CMIP: variants seen among roughly 807,000 people sequenced by gnomAD.
CMIP encodes C-Maf-inducing protein.
Under a neutral mutation model 97.3 loss-of-function variants are expected in CMIP, and 13 were observed. That is an observed-to-expected ratio of 0.13 (90% CI 0.09 to 0.21). CMIP has a LOEUF of 0.21. CMIP is among the 10% of genes least tolerant of loss of function. The probability of loss-of-function intolerance (pLI) is 1.00; values close to 1 mark genes in which losing one functional copy is unlikely to be tolerated. For missense variants in CMIP, 847 were observed against 1,024.9 expected (o/e 0.83, Z 2.37); for synonymous variants, 538 against 436.3 (o/e 1.23, Z -2.91).
At chr16:81,570,420 C>T (rs879867689) in intron 1 of CMIP, among the ~76,000 whole-genome samples, 5 of 152,218 alleles carry the variant, frequency 3.3e-5, no homozygotes, top group Non-Finnish European at 5.9e-5. Context: ...TCTCAGTGGA[C>T]TGCCTTGGGC....
chr16:81,643,551 A>C (rs2092330542), intron 3 of CMIP, among the ~76,000 whole-genome samples: 1 of 152,182 alleles, frequency 6.6e-6, no homozygotes, highest in Non-Finnish European at 1.5e-5. Context: ...GCACTTTAGG[A>C]GGCCAAGGCG....
chr16:81,602,567 A>C (rs2091675511), intron 1 of CMIP, among the ~76,000 whole-genome samples: 1 of 152,164 alleles, frequency 6.6e-6, no homozygotes, highest in African/African-American at 2.4e-5. Context: ...CATCACCCCC[A>C]AGAGTCCCCC....
rs551127500 is a variant in CMIP at position 81,657,901 on chromosome 16, C to T, written c.681+85C>T. ...TTTTCCTGGTTTGGGGTAATTCTGG[C>T]GCCTGCGTAATCCACCAGCATCTGG... On this transcript the variant is annotated intron_variant, in intron 5 of 20. Coordinates refer to ENST00000537098, the MANE Select transcript of CMIP (RefSeq NM_198390.3). The T allele has an allele frequency of 2.0e-4, 232 of 1,167,622 alleles. No individual in the cohort carries two copies. Among genetic ancestry groups the T allele is most frequent in the Non-Finnish European group, 2.4e-4 (194 of 821,482 alleles). The allele number at this position is 1,167,622 out of a possible 1,614,324, so 72.3% of individuals were successfully genotyped here. A position where few individuals can be genotyped will look rare whatever the true frequency, so the allele number is the denominator to read the frequency against.
At chr16:81,698,040 A>C (rs1304162962) in intron 14 of CMIP, 1 of 140,934 alleles carries the variant, frequency 7.1e-6, no homozygotes, top group African/African-American at 2.6e-5. Flanking sequence ...CGGTGCAAGA[A>C]AGCGCAGGGA....
At chr16:81,696,499 T>C in intron 13 of CMIP, 61 bp from the exon 14 acceptor site, 1 of 1,498,232 alleles carries the variant, frequency 6.7e-7, no homozygotes, top group Non-Finnish European at 9.1e-7. Flanking sequence ...GTGCAGATCA[T>C]GGTCGCCCTT....
intron 1 of CMIP, among the ~76,000 whole-genome samples, chr16:81,576,666 G>A (rs1225679972): frequency 6.6e-6 from 1 of 152,118 alleles, no homozygotes; most frequent in Non-Finnish European, 1.5e-5. Flanking sequence ...ATTACCCACT[G>A]CTGTGTACTT....
At chr16:81,579,531 C>T (rs370205213) in intron 1 of CMIP, among the ~76,000 whole-genome samples, 5 of 152,154 alleles carry the variant, frequency 3.3e-5, no homozygotes, top group African/African-American at 1.2e-4. Context: ...TTGGTTGTCT[C>T]ACTGGGAAGA....
chr16:81,623,801 G>T (rs937448190), intron 3 of CMIP, among the ~76,000 whole-genome samples: 6 of 152,230 alleles, frequency 3.9e-5, no homozygotes, highest in African/African-American at 1.4e-4. Context: ...TGCAGTTACT[G>T]AGTACATGTG....
At chr16:81,481,229 A>G (rs143894623) in intron 1 of CMIP, among the ~76,000 whole-genome samples, 2 of 152,324 alleles carry the variant, frequency 1.3e-5, no homozygotes, top group East Asian at 1.9e-4. Context: ...CACAGTCTCC[A>G]TTATCCTCAT....
At chr16:81,642,902 AAAAG>A (rs900808670) in intron 3 of CMIP, among the ~76,000 whole-genome samples, 15 of 149,908 alleles carry the variant, frequency 1.0e-4, no homozygotes, top group African/African-American at 2.7e-4. Context: ...TCTCGCAAAA[AAAAG>A]AAAGAAAGAA....
At chr16:81,589,221 C>A (rs2091429605) in intron 1 of CMIP, among the ~76,000 whole-genome samples, 1 of 152,076 alleles carries the variant, frequency 6.6e-6, no homozygotes, top group African/African-American at 2.4e-5. Context: ...GTCAGCTTCC[C>A]AAGTAGCTGG....
chr16:81,701,822 A>G, intron 16 of CMIP, 22 bp downstream of exon 16: 1 of 1,612,538 alleles, frequency 6.2e-7, no homozygotes, highest in Middle Eastern at 1.7e-4. Context: ...GCTGCTCCGG[A>G]CCACTCCCCT....
chr16:81,705,671 A>C (rs1908054236), intron 19 of CMIP, 67 bp downstream of exon 19: 4 of 1,087,054 alleles, frequency 3.7e-6, no homozygotes, highest in Non-Finnish European at 4.0e-6. Context: ...GCTTCAGCCA[A>C]ACTGGCCAAG....
intron 1 of CMIP, among the ~76,000 whole-genome samples, chr16:81,450,753 T>C (rs943682499): frequency 3.2e-4 from 48 of 152,324 alleles, no homozygotes; most frequent in African/African-American, 1.1e-3. Flanking sequence ...TAGTCTAGTT[T>C]CTTAAAATAA....
At chr16:81,659,286 G>T (rs1270005679) in intron 5 of CMIP, among the ~76,000 whole-genome samples, 1 of 152,216 alleles carries the variant, frequency 6.6e-6, no homozygotes, top group South Asian at 2.1e-4. Context: ...AGGACTGAAT[G>T]TGTGCTGAGA....
intron 1 of CMIP, among the ~76,000 whole-genome samples, chr16:81,462,200 C>T (rs1906937415): frequency 6.6e-6 from 1 of 152,082 alleles, no homozygotes; most frequent in Non-Finnish European, 1.5e-5. Flanking sequence ...TCACAGTCAC[C>T]AAAAATCAAA....
At chr16:81,696,712 G>T (rs1422219349) in intron 14 of CMIP, 45 bp downstream of exon 14, 8 of 1,559,668 alleles carry the variant, frequency 5.1e-6, no homozygotes, top group Non-Finnish European at 7.0e-6. Flanking sequence ...GGGTCCCTGG[G>T]CTTGCCATGC....
chr16:81,507,337 CTAAAACTACGTT>C (rs2089728108), intron 1 of CMIP, among the ~76,000 whole-genome samples: 2 of 152,158 alleles, frequency 1.3e-5, no homozygotes, highest in Admixed American at 1.3e-4. Flanking sequence ...AAAGATAAGC[CTAAAACTACGTT>C]TCTCAAACTG....
intron 13 of CMIP, 87 bp downstream of exon 13, chr16:81,693,574 C>A: frequency 1.4e-6 from 2 of 1,398,678 alleles, no homozygotes; most frequent in South Asian, 1.4e-5. Flanking sequence ...TGAAGCTTGT[C>A]ACCAACAGGC....
Sources: gnomAD v4.1 joint callset for allele counts (sites outside exome capture counted in the v4.1 genomes callset) on GRCh38, gnomAD v4.1.1 for gene constraint, MANE v1.5 for transcripts, NCBI Gene and HGNC (gene_info 2026-07-23, HGNC 2026-07-21) for gene names.